The following NDC1 variants were observed in gnomAD, a reference collection of about 807,000 sequenced individuals.
The protein encoded by NDC1 is NDC1 transmembrane nucleoporin.
In NDC1, 24 loss-of-function variants were observed where a neutral mutation model predicts 89.8. The observed-to-expected ratio is 0.27, with a 90% CI of 0.19 to 0.38. The LOEUF (loss-of-function observed/expected upper bound fraction) is 0.38, where lower values mean the gene tolerates loss of function less well. NDC1 is among the 10% of genes least tolerant of loss of function. NDC1 has a pLI of 1.00. For synonymous variants in NDC1, 296 were observed against 284.8 expected (o/e 1.04, Z -0.39); for missense variants, 728 against 797.6 (o/e 0.91, Z 1.05).
In NDC1 at chr1:53,832,551, G is replaced by A. The variant is rs747033082; in HGVS notation, c.219C>T (p.Tyr73=). The change falls in exon 3 of 18, where the codon TAC becomes TAT. Residue 73 remains tyrosine (Y), a synonymous_variant. Transcript: ENST00000371429. ...TTATTACCACTGACAGCAGCAGGAA[G>A]TAAAAGATTACATAGGAACTATACA... The part of the protein sequence containing the change: ...SDLYSSYVIF[Y]FLLLSVVIII... 2 of 1,599,614 alleles carry A rather than the reference G, an allele frequency of 1.3e-6. No individual in the cohort carries two copies. Among genetic ancestry groups the A allele is most frequent in the African/African-American group, 2.7e-5 (2 of 74,606 alleles).
intron 14 of NDC1, among the ~76,000 whole-genome samples, chr1:53,790,850 G>A (rs1481985603): frequency 6.6e-6 from 1 of 152,182 alleles, no homozygotes; most frequent in Non-Finnish European, 1.5e-5. Flanking sequence ...AATTTATGGA[G>A]TACATGTGAA....
Position 53,772,248 on chromosome 1 carries a change from G to A in NDC1, c.1961+81C>T, listed in dbSNP as rs924543462. On this transcript the variant is annotated intron_variant, in intron 17 of 17. Transcript: ENST00000371429. ...TCCCAAAAGAACACTTTCAACACATGAGCCTTATCATTCCCATACCTATTT... is the reference window on the plus strand; with the variant it reads ...TCCCAAAAGAACACTTTCAACACATAAGCCTTATCATTCCCATACCTATTT... 2.0e-5 allele frequency: 25 copies of A among 1,241,422 alleles called. 1 individual carries two copies. The highest frequency in any genetic ancestry group is 1.4e-4 in the South Asian group (10 of 71,446). The allele number at this position is 1,241,422 out of a possible 1,614,324, so 76.9% of individuals were successfully genotyped here. A position where few individuals can be genotyped will look rare whatever the true frequency, so the allele number is the denominator to read the frequency against.
intron 5 of NDC1, among the ~76,000 whole-genome samples, chr1:53,821,251 T>G (rs1363993955): frequency 6.6e-6 from 1 of 151,900 alleles, no homozygotes; most frequent in Non-Finnish European, 1.5e-5. Context: ...CTGGCCATCA[T>G]GGCAAAGCCC....
intron 17 of NDC1, among the ~76,000 whole-genome samples, chr1:53,770,522 G>T (rs1647103556): frequency 6.6e-6 from 1 of 151,950 alleles, no homozygotes; most frequent in Admixed American, 6.6e-5. Context: ...GGCCAGGCTG[G>T]TCTCAAACTC....
intron 16 of NDC1, among the ~76,000 whole-genome samples, chr1:53,774,576 T>C (rs963386422): frequency 6.6e-6 from 1 of 152,084 alleles, no homozygotes; most frequent in Non-Finnish European, 1.5e-5. Context: ...CAAGGTAATG[T>C]AAAATAACAC....
At chr1:53,789,306 A>G (rs2100641048) in intron 14 of NDC1, 110 bp from the exon 15 acceptor site, 1 of 621,738 alleles carries the variant, frequency 1.6e-6, no homozygotes, top group African/African-American at 1.9e-5. Context: ...GCTGCCTCTC[A>G]AGAATTAAAA....
chr1:53,802,922 G>A (rs1413560054), intron 10 of NDC1, among the ~76,000 whole-genome samples: 2 of 152,138 alleles, frequency 1.3e-5, no homozygotes, highest in Non-Finnish European at 2.9e-5. Context: ...GAGGAGTCCT[G>A]TACATGGAGC....
intron 16 of NDC1, among the ~76,000 whole-genome samples, chr1:53,781,820 T>G (rs1647211152): frequency 6.6e-6 from 1 of 152,214 alleles, no homozygotes; most frequent in African/African-American, 2.4e-5. Flanking sequence ...AAAGATGGTT[T>G]GGGAGCATTT....
At chr1:53,786,330 G>A (rs149956880) in intron 16 of NDC1, among the ~76,000 whole-genome samples, 2 of 152,316 alleles carry the variant, frequency 1.3e-5, no homozygotes, top group African/African-American at 4.8e-5. Flanking sequence ...GTAACATGAA[G>A]TTAGAAAAAG....
intron 14 of NDC1, among the ~76,000 whole-genome samples, chr1:53,789,868 C>T (rs1647428901): frequency 6.6e-6 from 1 of 150,954 alleles, no homozygotes; most frequent in African/African-American, 2.4e-5. Flanking sequence ...CTTTGGGAGG[C>T]CGAGGTGGGT....
chr1:53,811,310 G>A (rs1227974947), intron 6 of NDC1, among the ~76,000 whole-genome samples: 1 of 152,178 alleles, frequency 6.6e-6, no homozygotes, highest in East Asian at 1.9e-4. Context: ...CTAATGTGTA[G>A]ACTCCACAGG....
At chr1:53,797,636 T>C (rs1044816061) in intron 11 of NDC1, among the ~76,000 whole-genome samples, 1 of 152,164 alleles carries the variant, frequency 6.6e-6, no homozygotes, top group Non-Finnish European at 1.5e-5. Context: ...TTTCTTTCCT[T>C]TTCTTTTCTT....
At chr1:53,778,756 CTA>C (rs1171130173) in intron 16 of NDC1, among the ~76,000 whole-genome samples, 1 of 152,086 alleles carries the variant, frequency 6.6e-6, no homozygotes, top group Non-Finnish European at 1.5e-5. Flanking sequence ...CTGTCTGACA[CTA>C]TGTCTGCTAG....
At chr1:53,828,287 C>A in intron 3 of NDC1, 114 bp from the exon 4 acceptor site, 1 of 932,624 alleles carries the variant, frequency 1.1e-6, no homozygotes. Context: ...GAGAAATCCA[C>A]AGTCAACGCA....
intron 1 of NDC1, among the ~76,000 whole-genome samples, chr1:53,837,508 T>C (rs1649274071): frequency 6.6e-6 from 1 of 151,756 alleles, no homozygotes; most frequent in Non-Finnish European, 1.5e-5. Flanking sequence ...AGGCGGGGGT[T>C]GCAGTGAGCC....
At chr1:53,784,232 C>CAA (rs1381771566) in intron 16 of NDC1, among the ~76,000 whole-genome samples, 1 of 151,778 alleles carries the variant, frequency 6.6e-6, no homozygotes, top group Non-Finnish European at 1.5e-5. Flanking sequence ...TCTACACACA[C>CAA]ACACACACAC....
chr1:53,770,843 C>T (rs973537262), intron 17 of NDC1, among the ~76,000 whole-genome samples: 3 of 149,856 alleles, frequency 2.0e-5, no homozygotes, highest in Admixed American at 6.7e-5. Context: ...TTGGTAGAGA[C>T]GGGGTTTCAC....
rs553639226 is a variant in NDC1, at chr1:53,777,688, A to G, written c.1801-5199T>C. Among the ~76,000 whole-genome samples, 5 of 152,222 alleles carry G rather than the reference A, an allele frequency of 3.3e-5. No individual in the cohort carries two copies. The South Asian group carries it at 1.0e-3, about 32-fold the overall frequency. ...GCCTTATCCTCAATTCTGATATCCAAAAAGCACTGAAAACAAAAAACTTCT... is the reference window on the plus strand; with the variant it reads ...GCCTTATCCTCAATTCTGATATCCAGAAAGCACTGAAAACAAAAAACTTCT... On this transcript the variant is annotated intron_variant, in intron 16 of 17. Coordinates refer to ENST00000371429, the MANE Select transcript of NDC1 (RefSeq NM_018087.5).
At chr1:53,794,561 T>C (rs1008192899) in intron 13 of NDC1, among the ~76,000 whole-genome samples, 3 of 152,126 alleles carry the variant, frequency 2.0e-5, no homozygotes, top group African/African-American at 4.8e-5. Context: ...ATGTTATAAT[T>C]TCTCCCATCT....
Sources: gnomAD v4.1 joint callset for allele counts (sites outside exome capture counted in the v4.1 genomes callset) on GRCh38, gnomAD v4.1.1 for gene constraint, MANE v1.5 for transcripts, NCBI Gene and HGNC (gene_info 2026-07-23, HGNC 2026-07-21) for gene names.